P3H2: variants seen among roughly 807,000 people sequenced by gnomAD.
P3H2 encodes leprecan-like 1.
P3H2 carries 80 observed loss-of-function variants against 87.0 expected under a neutral mutation model. That is an observed-to-expected ratio of 0.92 (90% confidence interval 0.77 to 1.11). P3H2 has a LOEUF of 1.11. P3H2 is among the 50% of genes least tolerant of loss of function. The pLI is 0.00. For missense variants in P3H2, 1,001 were observed against 923.9 expected (o/e 1.08, Z -1.08); for synonymous variants, 367 against 359.3 (o/e 1.02, Z -0.24).
intron 13 of P3H2, among the ~76,000 whole-genome samples, chr3:189,965,901 G>A (rs553791469): frequency 4.6e-5 from 7 of 150,812 alleles, no homozygotes; most frequent in South Asian, 2.1e-4. Context: ...CAGGAGAATC[G>A]CTTGAACCTG....
chr3:189,979,811 T>A (rs1034620879), intron 8 of P3H2, among the ~76,000 whole-genome samples: 1 of 148,082 alleles, frequency 6.8e-6, no homozygotes, highest in African/African-American at 2.5e-5. Context: ...AAAAAAAAAA[T>A]GAAGAAATTA....
intron 1 of P3H2, among the ~76,000 whole-genome samples, chr3:190,072,113 C>T (rs888716634): frequency 6.6e-6 from 1 of 151,352 alleles, no homozygotes; most frequent in Non-Finnish European, 1.5e-5. Flanking sequence ...GCTGGGATTA[C>T]AGGCATGATT....
intron 1 of P3H2, among the ~76,000 whole-genome samples, chr3:190,000,404 A>G (rs1274663399): frequency 1.3e-5 from 2 of 152,256 alleles, no homozygotes; most frequent in Non-Finnish European, 2.9e-5. Context: ...GTCAAGACAG[A>G]CAAAGGCCCT....
At chr3:189,975,048 G>A (rs539636336) in intron 8 of P3H2, among the ~76,000 whole-genome samples, 18 of 152,020 alleles carry the variant, frequency 1.2e-4, no homozygotes, top group Non-Finnish European at 2.5e-4. Context: ...TACCTCTGTC[G>A]CAACACCACA....
intron 1 of P3H2, among the ~76,000 whole-genome samples, chr3:190,076,149 G>A (rs1456208655): frequency 2.7e-5 from 4 of 147,682 alleles, no homozygotes; most frequent in African/African-American, 9.9e-5. Context: ...GCCATATTAA[G>A]ATATGAAAAA....
intron 1 of P3H2, among the ~76,000 whole-genome samples, chr3:190,108,175 A>G (rs954331725): frequency 1.3e-4 from 20 of 151,758 alleles, no homozygotes; most frequent in African/African-American, 4.8e-4. Flanking sequence ...TTTTTGAGAC[A>G]TGGTCTTGCT....
At position 189,987,525 on chromosome 3, in the gene P3H2, A is replaced by T. The variant is rs760039110; in HGVS notation, c.1098+2T>A. The stretch of plus-strand genomic sequence containing the variant: ...AATTTCTTTTCAAAACATTGGTCTC[A>T]CCTCTCTGGCCTCAATGGATGCCGG... On this transcript the variant is annotated splice_donor_variant, in intron 5 of 14. Transcript: ENST00000319332. LOFTEE classifies it high-confidence loss of function. The T allele has an allele frequency of 6.2e-7, 1 of 1,613,002 alleles. No homozygotes were observed. The highest frequency in any genetic ancestry group is 1.3e-5 in the African/African-American group (1 of 74,694).
chr3:190,045,529 TAGAG>T (rs971414035), intron 1 of P3H2, among the ~76,000 whole-genome samples: 64 of 152,084 alleles, frequency 4.2e-4, no homozygotes, highest in African/African-American at 1.4e-3. Context: ...GAGAGAGACA[TAGAG>T]AGAGAGGCAG....
intron 1 of P3H2, among the ~76,000 whole-genome samples, chr3:190,019,143 C>T (rs902062146): frequency 6.6e-6 from 1 of 152,140 alleles, no homozygotes; most frequent in African/African-American, 2.4e-5. Context: ...TCTGACTTGG[C>T]ATTTAAGGAA....
rs1723296359 is a variant in P3H2, at chr3:189,974,702, C to T, written c.1325-17G>A. The T allele has an allele frequency of 6.2e-7, 1 of 1,614,164 alleles. No homozygotes were observed. Among genetic ancestry groups the T allele is most frequent in the African/African-American group, 1.3e-5 (1 of 75,054 alleles). ...GAGGACCACCTACAGGAACAGAGCA[C>T]ATTGTCTTCCCTGTTACCTCTGTCC... On this transcript the variant is annotated splice_polypyrimidine_tract_variant and intron_variant, in intron 8 of 14. Transcript: ENST00000319332.
At chr3:189,973,294 G>A in intron 10 of P3H2, 1 of 393,402 alleles carries the variant, frequency 2.5e-6, no homozygotes, top group Admixed American at 3.9e-5. Flanking sequence ...CCTTCCTGCA[G>A]TAGAGAATAA....
intron 6 of P3H2, among the ~76,000 whole-genome samples, chr3:189,985,815 G>T (rs1723678114): frequency 6.6e-6 from 1 of 151,976 alleles, no homozygotes; most frequent in Non-Finnish European, 1.5e-5. Flanking sequence ...ATGTTCAGCA[G>T]AAGAGTTCAT....
At chr3:189,987,714 T>C (rs1723751380) in intron 4 of P3H2, 45 bp from the exon 5 acceptor site, 20 of 1,613,300 alleles carry the variant, frequency 1.2e-5, no homozygotes, top group Non-Finnish European at 1.7e-5. Context: ...CCTAGGTCTG[T>C]CCAAAGGATT....
At chr3:190,065,271 A>G (rs905139864) in intron 1 of P3H2, among the ~76,000 whole-genome samples, 6 of 152,156 alleles carry the variant, frequency 3.9e-5, no homozygotes, top group Non-Finnish European at 8.8e-5. Context: ...GATGCAGGTG[A>G]TACATGCCAT....
intron 1 of P3H2, among the ~76,000 whole-genome samples, chr3:190,070,279 G>A (rs11917702): frequency 0.15 from 23,189 of 152,042 alleles, 2,541 homozygotes; most frequent in African/African-American, 0.31. Flanking sequence ...TTGGCTCAGT[G>A]CATTGGAGGA....
chr3:190,004,267 T>C (rs984159725), intron 1 of P3H2, among the ~76,000 whole-genome samples: 1 of 152,224 alleles, frequency 6.6e-6, no homozygotes, highest in African/African-American at 2.4e-5. Context: ...ATTGAGTTTG[T>C]CTGCCCAAGA....
intron 1 of P3H2, among the ~76,000 whole-genome samples, chr3:190,075,073 G>A (rs927374460): frequency 2.6e-5 from 4 of 152,234 alleles, no homozygotes; most frequent in African/African-American, 9.6e-5. Flanking sequence ...TATAATGAGA[G>A]TGATGCTATG....
intron 1 of P3H2, among the ~76,000 whole-genome samples, chr3:190,043,353 T>C (rs1047056337): frequency 6.6e-6 from 1 of 152,130 alleles, no homozygotes; most frequent in Non-Finnish European, 1.5e-5. Flanking sequence ...AGCCTACTGA[T>C]GAATGGAGAT....
chr3:190,119,155 GGGAGGGGAGGGGAGGGGAGAGGAGA>G (rs1444241083), intron 1 of P3H2, among the ~76,000 whole-genome samples: 33 of 44,968 alleles, frequency 7.3e-4, no homozygotes, highest in South Asian at 1.5e-3. Flanking sequence ...GGGAGGGGAG[GGGAGGGGAGGGGAGGGGAGAGGAGA>G]GGAGAGGAGA....
Sources: gnomAD v4.1 joint callset for allele counts (sites outside exome capture counted in the v4.1 genomes callset) on GRCh38, gnomAD v4.1.1 for gene constraint, MANE v1.5 for transcripts, NCBI Gene and HGNC (gene_info 2026-07-23, HGNC 2026-07-21) for gene names.